FNDC3B: variants seen among roughly 807,000 people sequenced by gnomAD.
The protein encoded by FNDC3B is fibronectin type III domain-containing protein 3B.
A neutral mutation model predicts 151.5 loss-of-function variants in FNDC3B; 12 were observed. The observed-to-expected ratio is 0.08, with a 90% CI of 0.05 to 0.13. The LOEUF (loss-of-function observed/expected upper bound fraction) is 0.13, where lower values mean the gene tolerates loss of function less well. Among genes scored for constraint, FNDC3B ranks in the 10% least tolerant of loss-of-function variants. FNDC3B has a pLI of 1.00. For missense variants in FNDC3B, 1,214 were observed against 1,505.3 expected, an observed-to-expected ratio of 0.81 and a Z score of 3.20; for synonymous variants, 528 against 549.0, an observed-to-expected ratio of 0.96 and a Z score of 0.54.
At chr3:172,286,066 T>G (rs1193498811) in intron 7 of FNDC3B, 82 bp downstream of exon 7, 5 of 1,010,270 alleles carry the variant, frequency 4.9e-6, no homozygotes, top group Non-Finnish European at 7.6e-6. Context: ...CACCACACAG[T>G]AGGTAAGGAA....
intron 4 of FNDC3B, among the ~76,000 whole-genome samples, chr3:172,233,242 G>A (rs1255479955): frequency 3.9e-5 from 6 of 152,182 alleles, no homozygotes; most frequent in Non-Finnish European, 7.4e-5. Flanking sequence ...AAACCTCCAA[G>A]TTAATGTTCT....
chr3:172,132,817 C>T (rs953126467), intron 2 of FNDC3B, among the ~76,000 whole-genome samples: 3 of 152,272 alleles, frequency 2.0e-5, no homozygotes, highest in Middle Eastern at 3.4e-3. Flanking sequence ...AGGCTGTTGA[C>T]AGAACGTACT....
At chr3:172,045,443 T>C (rs141538016) in intron 1 of FNDC3B, among the ~76,000 whole-genome samples, 297 of 152,242 alleles carry the variant, frequency 2.0e-3, no homozygotes, top group African/African-American at 6.8e-3. Flanking sequence ...TGCAGTCTCT[T>C]AGAGGAACGT....
At chr3:172,201,615 A>G (rs893360313) in intron 3 of FNDC3B, among the ~76,000 whole-genome samples, 6 of 152,142 alleles carry the variant, frequency 3.9e-5, no homozygotes, top group African/African-American at 1.2e-4. Flanking sequence ...GTGGGTATTA[A>G]CTATCTTTCT....
intron 3 of FNDC3B, among the ~76,000 whole-genome samples, chr3:172,201,974 A>T (rs1057235190): frequency 1.3e-5 from 2 of 152,200 alleles, no homozygotes; most frequent in African/African-American, 4.8e-5. Context: ...ATGATGTAAT[A>T]ACTTGGATAC....
intron 10 of FNDC3B, 117 bp downstream of exon 10, chr3:172,307,618 A>G: frequency 1.1e-6 from 1 of 942,586 alleles, no homozygotes; most frequent in South Asian, 1.5e-5. Flanking sequence ...ACTTGAACCC[A>G]GGAGTTTCAA....
In FNDC3B at chr3:172,325,820, C is replaced by CATTTT. The variant is rs139892147; in HGVS notation, c.1255-3119_1255-3115dup. 3.5e-4 allele frequency among the ~76,000 whole-genome samples: 53 copies of CATTTT among 152,196 alleles called. 1 individual carries two copies. Among genetic ancestry groups the CATTTT allele is most frequent in the African/African-American group, 1.3e-3 (52 of 41,530 alleles). ...ATTAATTTTTTTCTTTCCAGATATG[C>CATTTT]ATTTTATTTTATTTTATATTAGAGA... On this transcript the variant is annotated intron_variant, in intron 11 of 25. Coordinates refer to ENST00000415807, the MANE Select transcript of FNDC3B (RefSeq NM_022763.4).
At chr3:172,201,917 T>C (rs1175619090) in intron 3 of FNDC3B, among the ~76,000 whole-genome samples, 1 of 152,228 alleles carries the variant, frequency 6.6e-6, no homozygotes, top group Non-Finnish European at 1.5e-5. Context: ...TTCAACTTTA[T>C]CTGGGTGTGC....
At chr3:172,324,706 A>G (rs527277662) in intron 11 of FNDC3B, among the ~76,000 whole-genome samples, 10 of 152,238 alleles carry the variant, frequency 6.6e-5, no homozygotes, top group Non-Finnish European at 1.3e-4. Context: ...CACTGGCAGT[A>G]GAAAGTTAGG....
intron 4 of FNDC3B, among the ~76,000 whole-genome samples, chr3:172,228,343 C>G (rs1726699648): frequency 6.6e-6 from 1 of 152,218 alleles, no homozygotes; most frequent in Non-Finnish European, 1.5e-5. Context: ...GGAAGCATTT[C>G]ATTCCATTGA....
At chr3:172,089,493 A>C (rs1199714137) in intron 1 of FNDC3B, among the ~76,000 whole-genome samples, 2 of 152,192 alleles carry the variant, frequency 1.3e-5, no homozygotes, top group Non-Finnish European at 2.9e-5. Context: ...CAGTTGATCG[A>C]AGGTAGGGGA....
intron 4 of FNDC3B, among the ~76,000 whole-genome samples, chr3:172,245,970 A>C (rs1727753970): frequency 6.6e-6 from 1 of 152,182 alleles, no homozygotes; most frequent in Non-Finnish European, 1.5e-5. Context: ...ATTCAATCTA[A>C]ACCTATTTTG....
chr3:172,138,005 A>G (rs773338214), intron 3 of FNDC3B, among the ~76,000 whole-genome samples: 2 of 152,232 alleles, frequency 1.3e-5, no homozygotes, highest in Non-Finnish European at 2.9e-5. Context: ...CATTATTTTC[A>G]TATCTGTGTC....
chr3:172,061,461 T>C (rs1355845753), intron 1 of FNDC3B, among the ~76,000 whole-genome samples: 1 of 152,126 alleles, frequency 6.6e-6, no homozygotes, highest in Non-Finnish European at 1.5e-5. Flanking sequence ...CTCGATCTCC[T>C]GACCTCGTGA....
intron 3 of FNDC3B, among the ~76,000 whole-genome samples, chr3:172,163,653 T>C (rs1722883285): frequency 6.6e-6 from 1 of 152,176 alleles, no homozygotes; most frequent in Non-Finnish European, 1.5e-5. Context: ...TGGGTAGCTG[T>C]TCGTTCATTT....
At chr3:172,373,362 G>A (rs1395903601) in intron 23 of FNDC3B, among the ~76,000 whole-genome samples, 1 of 152,178 alleles carries the variant, frequency 6.6e-6, no homozygotes, top group Non-Finnish European at 1.5e-5. Flanking sequence ...GTGGTGTGAT[G>A]TCCTAGGGCC....
In FNDC3B at chr3:172,353,419, A is replaced by G. The variant is rs569172862; in HGVS notation, c.2795+336A>G. 4.0e-3 allele frequency among the ~76,000 whole-genome samples: 616 copies of G among 152,364 alleles called. 7 individuals are homozygous for G. The highest frequency in any genetic ancestry group is 0.034 in the Middle Eastern group (10 of 294). On this transcript the variant is annotated intron_variant, in intron 22 of 25. Coordinates refer to ENST00000415807, the MANE Select transcript of FNDC3B (RefSeq NM_022763.4). The stretch of plus-strand genomic sequence containing the variant: ...TTAGCCCAAGAATTTGGCTTCTTCC[A>G]GAAATTGTGCCGACCTTAACAGTGG...
At position 172,088,308 on chromosome 3, in the gene FNDC3B, C is replaced by A. The variant is rs114838651; in HGVS notation, c.-28-24144C>A. Among the ~76,000 whole-genome samples the A allele has an allele frequency of 5.1e-3, 773 of 152,250 alleles. 2 individuals are homozygous for A. The highest frequency in any genetic ancestry group is 8.4e-3 in the Non-Finnish European group (570 of 68,028). On this transcript the variant is annotated intron_variant, in intron 1 of 25. Transcript: ENST00000415807. ...GAATTTGCAGGTAGTCTAGTCCAAC[C>A]TTTTTATGTTGCAAATAAATGTAGA...
intron 23 of FNDC3B, among the ~76,000 whole-genome samples, chr3:172,367,923 C>T (rs538284599): frequency 4.6e-5 from 7 of 152,208 alleles, no homozygotes; most frequent in South Asian, 2.1e-4. Context: ...CCCTTGTGCC[C>T]GGGACACTTT....
Sources: gnomAD v4.1 joint callset for allele counts (sites outside exome capture counted in the v4.1 genomes callset) on GRCh38, gnomAD v4.1.1 for gene constraint, MANE v1.5 for transcripts, NCBI Gene and HGNC (gene_info 2026-07-23, HGNC 2026-07-21) for gene names.